Variants in HOMER1 observed in about 807,000 individuals in gnomAD.
HOMER1 encodes the protein homer scaffold protein 1.
A neutral mutation model predicts 48.9 loss-of-function variants in HOMER1; 3 were observed. The ratio of observed to expected loss-of-function variants is 0.06; its 90% CI spans 0.03 to 0.16. The LOEUF is 0.16. Among genes scored for constraint, HOMER1 ranks in the 10% least tolerant of loss-of-function variants. The probability of loss-of-function intolerance (pLI) is 1.00; values close to 1 mark genes in which losing one functional copy is unlikely to be tolerated. For synonymous variants in HOMER1, 134 were observed against 146.4 expected (o/e 0.92, Z 0.61); for missense variants, 247 against 411.4 (o/e 0.60, Z 3.46).
rs1167575869 is a variant in HOMER1, at chr5:79,379,473, T to TATAA, written c.877-3280_877-3277dup. Reference sequence around the variant, plus strand: ...TATAATATATAATATATATTTTATATATAAATATATAAATATATAAATATT... The same window carrying TATAA: ...TATAATATATAATATATATTTTATATATAAATAAATATATAAATATATAAATATT... On this transcript the variant is annotated intron_variant, in intron 8 of 8. Coordinates refer to ENST00000334082, the MANE Select transcript of HOMER1 (RefSeq NM_004272.5). Among the ~76,000 whole-genome samples the TATAA allele has an allele frequency of 1.6e-4, 18 of 112,984 alleles. 1 individual carries two copies. Among genetic ancestry groups the TATAA allele is most frequent in the Admixed American group, 1.6e-3 (13 of 8,180 alleles). The allele number at this position is 112,984 out of a possible 152,430, so 74.1% of individuals were successfully genotyped here. A position where few individuals can be genotyped will look rare whatever the true frequency, so the allele number is the denominator to read the frequency against.
chr5:79,504,302 C>T (rs2112379206), intron 1 of HOMER1, among the ~76,000 whole-genome samples: 1 of 151,404 alleles, frequency 6.6e-6, no homozygotes, highest in Middle Eastern at 3.4e-3. Context: ...ATCCTGGGAG[C>T]TGGCAGAGTG....
chr5:79,402,572 T>G (rs1749559129), intron 5 of HOMER1, among the ~76,000 whole-genome samples: 1 of 152,188 alleles, frequency 6.6e-6, no homozygotes, highest in African/African-American at 2.4e-5. Context: ...ATATAAAAAG[T>G]ACTCAAGTAC....
At chr5:79,391,421 C>T (rs1056280218) in intron 8 of HOMER1, among the ~76,000 whole-genome samples, 19 of 151,368 alleles carry the variant, frequency 1.3e-4, no homozygotes, top group Admixed American at 4.6e-4. Flanking sequence ...TGAACCACCG[C>T]GCCTGGCCAA....
At chr5:79,443,110 T>C (rs1241523579) in intron 4 of HOMER1, among the ~76,000 whole-genome samples, 4 of 152,192 alleles carry the variant, frequency 2.6e-5, no homozygotes, top group Admixed American at 2.0e-4. Flanking sequence ...GTCAGCTGTA[T>C]GTGTCCCAAA....
At chr5:79,491,075 CAAAAAAAAAAAAAAAAAAAAAAA>C (rs10527802) in intron 1 of HOMER1, among the ~76,000 whole-genome samples, 1 of 37,250 alleles carries the variant, frequency 2.7e-5, no homozygotes, top group African/African-American at 6.0e-5. Context: ...AGTACCAAAG[CAAAAAAAAAAAAAAAAAAAAAAA>C]AAAAAAAAAA....
intron 5 of HOMER1, among the ~76,000 whole-genome samples, chr5:79,415,467 C>T (rs919469883): frequency 2.0e-5 from 3 of 152,136 alleles, no homozygotes; most frequent in African/African-American, 7.2e-5. Flanking sequence ...GAGCTGGACC[C>T]TGCATATGAT....
Position 79,510,536 on chromosome 5 carries a change from G to A in HOMER1, c.5+2234C>T, listed in dbSNP as rs1410222304. The A allele has an allele frequency of 1.2e-5, 9 of 742,030 alleles. No homozygotes were observed. In the East Asian group the frequency reaches 2.3e-4, roughly 19 times the overall value. 46.0% of individuals were successfully genotyped at this position (742,030 alleles called of 1,614,324 possible). A position where few individuals can be genotyped will look rare whatever the true frequency, so the allele number is the denominator to read the frequency against. On this transcript the variant is annotated intron_variant, in intron 1 of 8. Transcript: ENST00000334082. ...ACAAAGATACGAATCTCTTAAGGGG[G>A]TGGACCCCAAGTTCCTGAGGAACAT...
intron 8 of HOMER1, among the ~76,000 whole-genome samples, chr5:79,390,072 G>A (rs1749210473): frequency 6.6e-6 from 1 of 152,078 alleles, no homozygotes; most frequent in Non-Finnish European, 1.5e-5. Context: ...GATTGCTTGG[G>A]CCCAGGAGTT....
chr5:79,468,583 T>C (rs1014815754), intron 1 of HOMER1, among the ~76,000 whole-genome samples: 2 of 152,230 alleles, frequency 1.3e-5, no homozygotes, highest in African/African-American at 2.4e-5. Flanking sequence ...GTGGAGAACG[T>C]TGGACTAGAC....
chr5:79,511,112 C>CT (rs1414685883), intron 1 of HOMER1, among the ~76,000 whole-genome samples: 1 of 152,218 alleles, frequency 6.6e-6, no homozygotes, highest in African/African-American at 2.4e-5. Flanking sequence ...CATGATGCTA[C>CT]TACTCCACAG....
At chr5:79,411,016 C>A (rs368317598) in intron 5 of HOMER1, among the ~76,000 whole-genome samples, 2 of 152,166 alleles carry the variant, frequency 1.3e-5, no homozygotes, top group African/African-American at 4.8e-5. Flanking sequence ...CACGTCTCAA[C>A]GCTGGAGTAA....
intron 3 of HOMER1, among the ~76,000 whole-genome samples, chr5:79,449,832 T>G (rs535450828): frequency 6.6e-6 from 1 of 152,266 alleles, no homozygotes; most frequent in Non-Finnish European, 1.5e-5. Flanking sequence ...AGGCGAAAGT[T>G]AAAATACCCT....
In HOMER1 at chr5:79,381,512, G is replaced by A. The variant is rs529600959; in HGVS notation, c.877-5315C>T. Among the ~76,000 whole-genome samples, 17 of 152,200 alleles carry A rather than the reference G, an allele frequency of 1.1e-4. 1 individual carries two copies. The South Asian group carries it at 2.7e-3, about 24-fold the overall frequency. On this transcript the variant is annotated intron_variant, in intron 8 of 8. Coordinates refer to ENST00000334082, the MANE Select transcript of HOMER1 (RefSeq NM_004272.5). ...TCCAGCAATACATCCCAATCAAAAC[G>A]AAATTCATAAAGTCCCCCCAAAAGA...
intron 4 of HOMER1, among the ~76,000 whole-genome samples, chr5:79,446,591 T>C (rs1750888511): frequency 6.6e-6 from 1 of 152,174 alleles, no homozygotes; most frequent in African/African-American, 2.4e-5. Flanking sequence ...CATTGGCATA[T>C]AGAAAAACCT....
intron 1 of HOMER1, among the ~76,000 whole-genome samples, chr5:79,493,666 C>A (rs1403420551): frequency 6.6e-6 from 1 of 152,174 alleles, no homozygotes; most frequent in Non-Finnish European, 1.5e-5. Flanking sequence ...AGGTTAACTC[C>A]TCCATCTGTG....
intron 1 of HOMER1, 120 bp from the exon 2 acceptor site, chr5:79,457,138 T>TTTCTCTTACTTTC: frequency 2.2e-6 from 2 of 905,160 alleles, no homozygotes; most frequent in Non-Finnish European, 3.4e-6. Context: ...TACCTGAAAG[T>TTTCTCTTACTTTC]AAGAGAAACT....
intron 1 of HOMER1, among the ~76,000 whole-genome samples, chr5:79,505,442 A>G (rs1292378510): frequency 6.6e-6 from 1 of 152,170 alleles, no homozygotes; most frequent in Non-Finnish European, 1.5e-5. Context: ...AAAGTAATGA[A>G]ATTGTGTTCC....
chr5:79,495,624 T>C (rs184127227), intron 1 of HOMER1, among the ~76,000 whole-genome samples: 3 of 152,370 alleles, frequency 2.0e-5, no homozygotes, highest in African/African-American at 7.2e-5. Context: ...GGCACAGTGT[T>C]AGGAGACTGT....
At chr5:79,403,575 T>G (rs1749586018) in intron 5 of HOMER1, among the ~76,000 whole-genome samples, 1 of 151,960 alleles carries the variant, frequency 6.6e-6, no homozygotes, top group African/African-American at 2.4e-5. Flanking sequence ...TTCAAACATG[T>G]GAAGAAAATG....
Sources: allele counts gnomAD v4.1 joint callset (sites outside exome capture counted in the v4.1 genomes callset), GRCh38; gene constraint gnomAD v4.1.1; transcripts MANE v1.5; gene names NCBI Gene and HGNC (gene_info 2026-07-23, HGNC 2026-07-21).